Variants in TAFA1 observed in about 807,000 individuals in gnomAD.
TAFA1 encodes the protein chemokine-like protein TAFA-1.
TAFA1 carries 4 observed loss-of-function variants against 18.5 expected under a neutral mutation model. The observed-to-expected ratio is 0.22, with a 90% CI of 0.11 to 0.49. TAFA1 has a LOEUF of 0.49. Ranked by LOEUF, TAFA1 falls within the 20% of genes least tolerant of loss-of-function variation. TAFA1 has a pLI of 0.98. For synonymous variants in TAFA1, 56 were observed against 55.2 expected (o/e 1.01, Z -0.06); for missense variants, 147 against 169.0 (o/e 0.87, Z 0.72).
At chr3:68,330,729 CTG>C (rs2068853030) in intron 2 of TAFA1, among the ~76,000 whole-genome samples, 1 of 152,086 alleles carries the variant, frequency 6.6e-6, no homozygotes, top group African/African-American at 2.4e-5. Context: ...AGCTTCATGA[CTG>C]TGTTTTATTC....
chr3:68,042,387 T>C (rs1412814426), intron 2 of TAFA1, among the ~76,000 whole-genome samples: 1 of 152,206 alleles, frequency 6.6e-6, no homozygotes, highest in Non-Finnish European at 1.5e-5. Flanking sequence ...CAGTGGCTCA[T>C]GCCTGTAATC....
chr3:68,248,743 CG>C (rs1252485545), intron 2 of TAFA1, among the ~76,000 whole-genome samples: 1 of 5,254 alleles, frequency 1.9e-4, no homozygotes, highest in African/African-American at 8.0e-4. Context: ...GGGCGGGGGG[CG>C]GGGGCTGGGG....
intron 3 of TAFA1, among the ~76,000 whole-genome samples, chr3:68,482,493 G>C (rs940202513): frequency 6.6e-6 from 1 of 152,166 alleles, no homozygotes; most frequent in African/African-American, 2.4e-5. Flanking sequence ...AAATCACCTA[G>C]AAAAGTAACA....
chr3:68,452,815 GTGTC>G (rs1432860721), intron 3 of TAFA1, among the ~76,000 whole-genome samples: 2 of 152,170 alleles, frequency 1.3e-5, no homozygotes, highest in Non-Finnish European at 2.9e-5. Flanking sequence ...CATTTACAAA[GTGTC>G]TGGCAAGCTT....
intron 3 of TAFA1, among the ~76,000 whole-genome samples, chr3:68,516,530 A>T (rs937782339): frequency 3.3e-5 from 5 of 152,174 alleles, no homozygotes; most frequent in Admixed American, 2.6e-4. Context: ...TAATGTGCTT[A>T]GTTCTTGAAT....
Position 68,370,685 on chromosome 3 carries a change from A to G in TAFA1, c.119-46595A>G, listed in dbSNP as rs547874358. On this transcript the variant is annotated intron_variant, in intron 2 of 4. Coordinates refer to ENST00000478136, the MANE Select transcript of TAFA1 (RefSeq NM_213609.4). ...GAAAATCTTATGAGAATTAGAAGTT[A>G]TCTTCATGAAACTACATATAAGAGC... Among the ~76,000 whole-genome samples, 244 of 149,100 alleles carry G rather than the reference A, an allele frequency of 1.6e-3. 3 individuals are homozygous for G. The highest frequency in any genetic ancestry group is 5.4e-3 in the African/African-American group (220 of 40,764).
intron 3 of TAFA1, among the ~76,000 whole-genome samples, chr3:68,505,001 G>A (rs968045049): frequency 2.4e-4 from 36 of 152,074 alleles, no homozygotes; most frequent in African/African-American, 8.0e-4. Context: ...GTCTTGTTGC[G>A]AGTAGGGGTG....
intron 2 of TAFA1, among the ~76,000 whole-genome samples, chr3:68,278,628 TTA>T (rs2067838616): frequency 1.3e-5 from 2 of 152,104 alleles, no homozygotes; most frequent in South Asian, 4.1e-4. Context: ...GTAGATAGTA[TTA>T]CTTGATCAAT....
chr3:68,512,116 A>G (rs937034202), intron 3 of TAFA1, among the ~76,000 whole-genome samples: 1 of 152,128 alleles, frequency 6.6e-6, no homozygotes, highest in Non-Finnish European at 1.5e-5. Context: ...CACCAACTCC[A>G]GTGATAAAGT....
intron 2 of TAFA1, among the ~76,000 whole-genome samples, chr3:68,019,157 A>T (rs1704627966): frequency 6.6e-6 from 1 of 152,246 alleles, no homozygotes; most frequent in Admixed American, 6.5e-5. Context: ...GTTCTACATT[A>T]GCCAGGCATC....
chr3:68,445,904 T>C (rs2071468062), intron 3 of TAFA1, among the ~76,000 whole-genome samples: 3 of 152,098 alleles, frequency 2.0e-5, no homozygotes, highest in Admixed American at 2.0e-4. Flanking sequence ...TGTTTGTTAT[T>C]TTGATTTGTT....
the TAFA1 span, among the ~76,000 whole-genome samples, chr3:67,995,385 C>A: frequency 6.6e-6 from 1 of 152,094 alleles, no homozygotes; most frequent in Non-Finnish European, 1.5e-5. Flanking sequence ...GGGGCCAGGG[C>A]ATTTAGAGTT....
intron 2 of TAFA1, among the ~76,000 whole-genome samples, chr3:68,053,513 A>G (rs9812284): frequency 0.54 from 81,649 of 151,658 alleles, 22,233 homozygotes; most frequent in South Asian, 0.66. Context: ...CAAAACCTTG[A>G]CATCTGTATT....
At chr3:68,149,381 T>C (rs562661582) in intron 2 of TAFA1, among the ~76,000 whole-genome samples, 3 of 152,300 alleles carry the variant, frequency 2.0e-5, no homozygotes, top group East Asian at 3.9e-4. Flanking sequence ...CAGGAATACC[T>C]GAGACTGGGT....
At chr3:68,423,889 A>C (rs1252032144) in intron 3 of TAFA1, among the ~76,000 whole-genome samples, 1 of 151,944 alleles carries the variant, frequency 6.6e-6, no homozygotes, top group East Asian at 1.9e-4. Flanking sequence ...TAAGTTCAGA[A>C]GTCTTTCTTC....
At chr3:68,131,519 A>G (rs946257192) in intron 2 of TAFA1, among the ~76,000 whole-genome samples, 1 of 152,198 alleles carries the variant, frequency 6.6e-6, no homozygotes, top group Non-Finnish European at 1.5e-5. Flanking sequence ...TCTTCTTCAA[A>G]CTGCTACTGT....
At chr3:68,056,123 G>T (rs1295096789) in intron 2 of TAFA1, among the ~76,000 whole-genome samples, 1 of 152,124 alleles carries the variant, frequency 6.6e-6, no homozygotes, top group African/African-American at 2.4e-5. Flanking sequence ...TCCTCTTCCA[G>T]CTGTGCCCCA....
intron 2 of TAFA1, among the ~76,000 whole-genome samples, chr3:68,375,515 C>T (rs975647727): frequency 7.9e-5 from 12 of 152,130 alleles, no homozygotes; most frequent in Non-Finnish European, 1.3e-4. Context: ...GTGATCTATA[C>T]ATTTTGTATA....
intron 2 of TAFA1, among the ~76,000 whole-genome samples, chr3:68,105,502 A>G (rs985601599): frequency 1.3e-5 from 2 of 152,186 alleles, no homozygotes; most frequent in Non-Finnish European, 2.9e-5. Context: ...CTTTAAGCAA[A>G]CAATATGTTT....
Sources: allele counts gnomAD v4.1 joint callset (sites outside exome capture counted in the v4.1 genomes callset), GRCh38; gene constraint gnomAD v4.1.1; transcripts MANE v1.5; gene names NCBI Gene and HGNC (gene_info 2026-07-23, HGNC 2026-07-21).